The following PPARGC1A variants were observed in gnomAD, a reference collection of about 807,000 sequenced individuals.
PPARGC1A encodes the protein peroxisome proliferator-activated receptor gamma coactivator 1-alpha.
PPARGC1A carries 25 observed loss-of-function variants against 88.7 expected under a neutral mutation model. The ratio of observed to expected loss-of-function variants is 0.28; its 90% CI spans 0.21 to 0.39. The LOEUF is 0.39. PPARGC1A is among the 10% of genes least tolerant of loss of function. PPARGC1A has a pLI of 1.00. For synonymous variants in PPARGC1A, 363 were observed against 355.6 expected (o/e 1.02, Z -0.24); for missense variants, 880 against 968.7 (o/e 0.91, Z 1.22).
At chr4:24,203,400 G>A in the PPARGC1A span, among the ~76,000 whole-genome samples, 1 of 152,170 alleles carries the variant, frequency 6.6e-6, no homozygotes, top group East Asian at 1.9e-4. Flanking sequence ...TTAACCAGGT[G>A]TGGTGGCAGG....
chr4:24,250,980 C>T, the PPARGC1A span, among the ~76,000 whole-genome samples: 1 of 152,212 alleles, frequency 6.6e-6, no homozygotes, highest in African/African-American at 2.4e-5. Context: ...CTGGGGAACA[C>T]CTACAGGATT....
chr4:23,796,031 T>C lies in PPARGC1A; in HGVS notation c.2294-106A>G. The C allele has an allele frequency of 5.1e-6, 4 of 790,384 alleles. 1 individual carries two copies. In the South Asian group the frequency reaches 5.9e-5, roughly 12 times the overall value. 49.0% of individuals were successfully genotyped at this position (790,384 alleles called of 1,614,324 possible). On this transcript the variant is annotated intron_variant, in intron 12 of 12. Transcript: ENST00000264867. ...ATTCGATAACAACTCTTCCAATCAA[T>C]ATACTTTAGAAAACAATAGTCAGAT...
the PPARGC1A span, among the ~76,000 whole-genome samples, chr4:24,336,412 G>A: frequency 0.33 from 50,767 of 151,944 alleles, 9,515 homozygotes; most frequent in East Asian, 0.47. Context: ...TTTTTTCACG[G>A]CTTTTTCTTA....
At chr4:24,444,945 C>T in the PPARGC1A span, among the ~76,000 whole-genome samples, 4 of 151,914 alleles carry the variant, frequency 2.6e-5, no homozygotes, top group Admixed American at 1.3e-4. Context: ...CCCAGCTACT[C>T]GGGAGGCTGA....
chr4:24,471,829 A>ACCC, the PPARGC1A span, among the ~76,000 whole-genome samples: 1 of 151,234 alleles, frequency 6.6e-6, no homozygotes, highest in African/African-American at 2.4e-5. The surrounding 1 kb of genome is among the most constrained non-coding windows in gnomAD (Gnocchi z 5.4). Context: ...TCTGCACCCC[A>ACCC]CCCCCCCCAC....
chr4:24,287,666 A>AC, the PPARGC1A span, among the ~76,000 whole-genome samples: 33 of 138,622 alleles, frequency 2.4e-4, 1 homozygote, highest in Admixed American at 8.8e-4. Context: ...ACACACACAC[A>AC]ACTGCACTCA....
chr4:24,429,902 C>T, the PPARGC1A span, among the ~76,000 whole-genome samples: 14 of 152,156 alleles, frequency 9.2e-5, no homozygotes, highest in East Asian at 1.9e-4. Flanking sequence ...CCACCCACCT[C>T]GGCCTCCCAA....
chr4:24,154,447 C>G, the PPARGC1A span, among the ~76,000 whole-genome samples: 1 of 152,178 alleles, frequency 6.6e-6, no homozygotes, highest in East Asian at 1.9e-4. Context: ...TATGGCAGAG[C>G]TTTAAAATTG....
the PPARGC1A span, among the ~76,000 whole-genome samples, chr4:24,235,850 A>G: frequency 1.3e-5 from 2 of 152,152 alleles, no homozygotes; most frequent in Non-Finnish European, 2.9e-5. Context: ...ACTCAGCTCA[A>G]CTGAACTGCC....
At chr4:24,408,763 C>G in the PPARGC1A span, among the ~76,000 whole-genome samples, 7 of 152,328 alleles carry the variant, frequency 4.6e-5, 1 homozygote, top group East Asian at 3.9e-4. Flanking sequence ...TTAGATGACT[C>G]TAGCCCCAGC....
chr4:24,110,021 T>C, the PPARGC1A span, among the ~76,000 whole-genome samples: 1 of 152,182 alleles, frequency 6.6e-6, no homozygotes, highest in East Asian at 1.9e-4. Context: ...CAGGGGTCTC[T>C]GACTCTGCCC....
chr4:24,177,401 G>A, the PPARGC1A span, among the ~76,000 whole-genome samples: 3 of 151,264 alleles, frequency 2.0e-5, no homozygotes, highest in South Asian at 6.3e-4. Flanking sequence ...TCACTCATAG[G>A]TGGGAATTGA....
chr4:23,958,414 T>C, the PPARGC1A span, among the ~76,000 whole-genome samples: 2 of 152,226 alleles, frequency 1.3e-5, no homozygotes, highest in Admixed American at 6.5e-5. Context: ...CACAAATTCA[T>C]AACAAAAATA....
intron 2 of PPARGC1A, among the ~76,000 whole-genome samples, chr4:23,839,730 T>C (rs1422555128): frequency 6.6e-6 from 1 of 151,768 alleles, no homozygotes; most frequent in East Asian, 1.9e-4. Flanking sequence ...TCCACGTGGG[T>C]GGGAGGCCTT....
rs779138413 is a variant in PPARGC1A, at chr4:23,814,567, G to C, written c.916C>G (p.Gln306Glu). 6.2e-7 allele frequency: 1 copy of C among 1,607,752 alleles called. No homozygotes were observed. Among genetic ancestry groups the C allele is most frequent in the Non-Finnish European group, 8.5e-7 (1 of 1,178,442 alleles). The change falls in exon 8 of 13, where the codon CAA (glutamine) becomes GAA (glutamate). Residue 306 changes from glutamine (Q) to glutamate (E), a missense_variant. Gln to Glu is a conservative substitution (Grantham distance 29). Transcript: ENST00000264867. ...PPTTPPHKAN[Q>E]DNPFRASPKL... ...GGAGAAGCCCTAAAAGGGTTATCTT[G>C]GTTGGCTTTATGAGGAGGAGTGGTG...
At chr4:23,864,716 T>C (rs10213440) in intron 2 of PPARGC1A, among the ~76,000 whole-genome samples, 29,936 of 152,148 alleles carry the variant, frequency 0.2, 3,145 homozygotes, top group African/African-American at 0.25. Context: ...TGGGAGCACA[T>C]AAACAAGAAG....
intron 1 of PPARGC1A, among the ~76,000 whole-genome samples, chr4:23,885,646 ATG>A (rs10657089): frequency 0.053 from 7,930 of 150,740 alleles, 295 homozygotes; most frequent in East Asian, 0.16. Context: ...AACTTGCAAG[ATG>A]TGTGTGTGTG....
At chr4:24,345,523 T>G in the PPARGC1A span, among the ~76,000 whole-genome samples, 45 of 152,212 alleles carry the variant, frequency 3.0e-4, no homozygotes, top group South Asian at 8.7e-3. Flanking sequence ...TAGTTTAGTT[T>G]TGTTTTGTTT....
the PPARGC1A span, among the ~76,000 whole-genome samples, chr4:23,931,518 T>G: frequency 6.6e-6 from 1 of 151,816 alleles, no homozygotes; most frequent in African/African-American, 2.4e-5. Flanking sequence ...AAAGAAAGAA[T>G]AGTGAAAAAG....
Sources: allele counts gnomAD v4.1 joint callset (sites outside exome capture counted in the v4.1 genomes callset), GRCh38; gene constraint gnomAD v4.1.1; non-coding constraint Gnocchi (gnomAD v3.1); transcripts MANE v1.5; gene names NCBI Gene and HGNC (gene_info 2026-07-23, HGNC 2026-07-21).